The following ENTREP2 variants were observed in gnomAD, a reference collection of about 807,000 sequenced individuals.
ENTREP2 encodes protein ENTREP2.
At chr15:29,655,917 C>G in the ENTREP2 span, among the ~76,000 whole-genome samples, 1 of 151,084 alleles carries the variant, frequency 6.6e-6, no homozygotes, top group African/African-American at 2.4e-5. Context: ...CCCAGCTACT[C>G]AGGATGCTGA....
chr15:29,604,317 G>T, the ENTREP2 span, among the ~76,000 whole-genome samples: 1 of 152,176 alleles, frequency 6.6e-6, no homozygotes, highest in South Asian at 2.1e-4. Context: ...CATTGTGGTC[G>T]AGAATAGAAA....
the ENTREP2 span, among the ~76,000 whole-genome samples, chr15:29,327,061 A>G: frequency 2.4e-4 from 37 of 152,182 alleles, no homozygotes; most frequent in Admixed American, 3.3e-4. Context: ...TCAAAAAATT[A>G]TATCAAAAGG....
chr15:29,591,897 G>GAAGAAGA, the ENTREP2 span, among the ~76,000 whole-genome samples: 1 of 137,108 alleles, frequency 7.3e-6, no homozygotes, highest in Non-Finnish European at 1.6e-5. Flanking sequence ...AGAAGAAGAA[G>GAAGAAGA]AGAGAAAACA....
chr15:29,157,363 T>G, the ENTREP2 span, among the ~76,000 whole-genome samples: 2 of 152,208 alleles, frequency 1.3e-5, no homozygotes, highest in Non-Finnish European at 2.9e-5. Context: ...TTCAGGGGCC[T>G]GGGGGCCTCC....
At chr15:29,352,025 C>T in the ENTREP2 span, among the ~76,000 whole-genome samples, 9 of 152,258 alleles carry the variant, frequency 5.9e-5, no homozygotes, top group South Asian at 1.9e-3. Flanking sequence ...ACCTTGAACT[C>T]CTGGACTCAA....
the ENTREP2 span, among the ~76,000 whole-genome samples, chr15:29,493,802 C>A: frequency 6.6e-6 from 1 of 151,872 alleles, no homozygotes; most frequent in Non-Finnish European, 1.5e-5. Flanking sequence ...TATGGTGAAA[C>A]CTCATCTCTA....
chr15:29,409,904 C>T, the ENTREP2 span, among the ~76,000 whole-genome samples: 1 of 152,216 alleles, frequency 6.6e-6, no homozygotes, highest in Non-Finnish European at 1.5e-5. Flanking sequence ...GACATCTTCA[C>T]GAGACTCCTG....
the ENTREP2 span, among the ~76,000 whole-genome samples, chr15:29,572,821 G>GC: frequency 0.16 from 23,149 of 145,392 alleles, 2,437 homozygotes; most frequent in East Asian, 0.47. Context: ...ACTACACAGT[G>GC]CCCCCCCAAC....
At chr15:29,119,884 A>C in the ENTREP2 span, among the ~76,000 whole-genome samples, 15 of 152,292 alleles carry the variant, frequency 9.8e-5, no homozygotes, top group South Asian at 1.7e-3. Context: ...CCGGGGAGAG[A>C]GCCCTGGCTA....
At chr15:29,610,352 C>T in the ENTREP2 span, 1 of 150,444 alleles carries the variant, frequency 6.6e-6, no homozygotes, top group African/African-American at 2.4e-5. Context: ...CAGTCTACAA[C>T]CTCCTCTTCA....
the ENTREP2 span, among the ~76,000 whole-genome samples, chr15:29,348,030 C>T: frequency 2.6e-5 from 4 of 152,048 alleles, no homozygotes; most frequent in South Asian, 2.1e-4. Flanking sequence ...TCAGATTCTG[C>T]GTCAGGGTGC....
the ENTREP2 span, chr15:29,269,774 G>A: frequency 1.5e-5 from 20 of 1,373,478 alleles, no homozygotes; most frequent in South Asian, 1.2e-4. Context: ...GCGGGTCGGC[G>A]ACCCGCTAAC....
At chr15:29,157,741 T>A in the ENTREP2 span, among the ~76,000 whole-genome samples, 5 of 151,988 alleles carry the variant, frequency 3.3e-5, no homozygotes, top group African/African-American at 1.2e-4. Context: ...CTTTTTTTTT[T>A]TTTTTTGAGA....
At chr15:29,657,475 TGGGGGGGCG>T in the ENTREP2 span, among the ~76,000 whole-genome samples, 1 of 3,802 alleles carries the variant, frequency 2.6e-4, no homozygotes, top group East Asian at 6.0e-3. Context: ...CGCTGTCGGC[TGGGGGGGCG>T]GGGGGGGGGG....
chr15:29,553,369 C>G, the ENTREP2 span, among the ~76,000 whole-genome samples: 1 of 152,126 alleles, frequency 6.6e-6, no homozygotes, highest in South Asian at 2.1e-4. Flanking sequence ...TTACTGCAAA[C>G]CAATTAAAAT....
At chr15:29,121,462 GA>G in the ENTREP2 span, 5 of 152,336 alleles carry the variant, frequency 3.3e-5, no homozygotes, top group South Asian at 8.3e-4. Context: ...CCAAGCAGGT[GA>G]AACCCCTGCG....
the ENTREP2 span, among the ~76,000 whole-genome samples, chr15:29,298,844 T>G: frequency 6.6e-6 from 1 of 152,176 alleles, no homozygotes; most frequent in Non-Finnish European, 1.5e-5. Context: ...GAAAAAGAAC[T>G]ATTCACTGTG....
chr15:29,235,339 T>G, the ENTREP2 span, among the ~76,000 whole-genome samples: 1 of 152,258 alleles, frequency 6.6e-6, no homozygotes, highest in South Asian at 2.1e-4. Context: ...TACCTTTTTT[T>G]GCTGTAAGAT....
the ENTREP2 span, among the ~76,000 whole-genome samples, chr15:29,647,391 T>C: frequency 6.6e-6 from 1 of 152,308 alleles, no homozygotes; most frequent in East Asian, 1.9e-4. Flanking sequence ...TGGAAAGGGA[T>C]GGGATGTTCA....
Sources: allele counts gnomAD v4.1 joint callset (sites outside exome capture counted in the v4.1 genomes callset), GRCh38; gene constraint gnomAD v4.1.1; transcripts MANE v1.5; gene names NCBI Gene and HGNC (gene_info 2026-07-23, HGNC 2026-07-21).